Variants in OCA2 observed in about 807,000 individuals in gnomAD.
OCA2 encodes OCA2 melanosomal transmembrane protein.
Under a neutral mutation model 100.2 loss-of-function variants are expected in OCA2, and 77 were observed. That is an observed-to-expected ratio of 0.77 (90% CI 0.64 to 0.93). OCA2 has a LOEUF of 0.93. Among genes scored for constraint, OCA2 ranks in the 40% least tolerant of loss-of-function variants. The pLI, the probability that OCA2 is intolerant of heterozygous loss-of-function variation, is 0.00. For synonymous variants in OCA2, 432 were observed against 439.2 expected (o/e 0.98, Z 0.21); for missense variants, 1,062 against 1,089.1 (o/e 0.98, Z 0.35).
chr15:28,050,281 T>C (rs2043469373), intron 2 of OCA2, among the ~76,000 whole-genome samples: 1 of 151,804 alleles, frequency 6.6e-6, no homozygotes, highest in South Asian at 2.1e-4. Context: ...CAAGACCTTG[T>C]TTCACAGAAA....
chr15:27,738,213 G>A, the OCA2 span, among the ~76,000 whole-genome samples: 2 of 152,096 alleles, frequency 1.3e-5, no homozygotes, highest in Non-Finnish European at 2.9e-5. Flanking sequence ...GCACAAGAAT[G>A]TTCCTAGCAC....
intron 2 of OCA2, among the ~76,000 whole-genome samples, chr15:28,069,379 T>G (rs866688715): frequency 1.3e-4 from 1 of 7,650 alleles, no homozygotes; most frequent in Admixed American, 1.2e-3. Flanking sequence ...CCTCTCCCTC[T>G]CCCTCCCCCT....
chr15:28,012,260 A>C (rs761046037), intron 9 of OCA2, among the ~76,000 whole-genome samples: 15 of 152,162 alleles, frequency 9.9e-5, no homozygotes, highest in Non-Finnish European at 1.9e-4. Context: ...CAATAGAAAG[A>C]CCACACCCTG....
intron 23 of OCA2, among the ~76,000 whole-genome samples, chr15:27,762,766 T>C (rs2030945367): frequency 6.6e-6 from 1 of 152,222 alleles, no homozygotes; most frequent in Non-Finnish European, 1.5e-5. Context: ...GGCCTAAGTC[T>C]TAATGGACCT....
intron 2 of OCA2, among the ~76,000 whole-genome samples, chr15:28,055,900 C>T (rs1281733772): frequency 6.6e-6 from 1 of 152,192 alleles, no homozygotes; most frequent in Admixed American, 6.5e-5. Flanking sequence ...CCGGAGGAGA[C>T]AGCAAGTGGT....
At chr15:27,972,700 A>T (rs949450740) in intron 14 of OCA2, among the ~76,000 whole-genome samples, 1 of 146,392 alleles carries the variant, frequency 6.8e-6, no homozygotes, top group Non-Finnish European at 1.5e-5. Flanking sequence ...TATTGGGATT[A>T]TTTTTTTTTT....
At chr15:27,801,321 AGGTG>A (rs2033594986) in intron 23 of OCA2, among the ~76,000 whole-genome samples, 1 of 152,200 alleles carries the variant, frequency 6.6e-6, no homozygotes, top group South Asian at 2.1e-4. Context: ...TGGGAGGCCA[AGGTG>A]GGCAGATCAC....
intron 2 of OCA2, among the ~76,000 whole-genome samples, chr15:28,054,602 T>C (rs142441486): frequency 1.6e-3 from 250 of 152,304 alleles, no homozygotes; most frequent in African/African-American, 5.7e-3. Flanking sequence ...GATACCCCTC[T>C]CCCAAAATTA....
At chr15:27,887,596 A>G (rs1055490233) in intron 19 of OCA2, among the ~76,000 whole-genome samples, 3 of 143,450 alleles carry the variant, frequency 2.1e-5, no homozygotes, top group African/African-American at 7.7e-5. Context: ...CTACTGGGAG[A>G]CCTGTAAGTC....
chr15:28,070,698 A>G (rs2044230497), intron 2 of OCA2, among the ~76,000 whole-genome samples: 1 of 149,518 alleles, frequency 6.7e-6, no homozygotes, highest in East Asian at 2.0e-4. Context: ...CAGGATGACA[A>G]TGGCGGCTTT....
chr15:27,901,998 G>C (rs891314919), intron 19 of OCA2, among the ~76,000 whole-genome samples: 2 of 152,208 alleles, frequency 1.3e-5, no homozygotes, highest in Admixed American at 6.5e-5. Context: ...CGGAGGGGGA[G>C]AGCACTCAAC....
chr15:27,731,877 C>G, the OCA2 span, among the ~76,000 whole-genome samples: 1 of 152,228 alleles, frequency 6.6e-6, no homozygotes, highest in Non-Finnish European at 1.5e-5. Context: ...TTCCTATATT[C>G]ATTCATATAT....
intron 21 of OCA2, among the ~76,000 whole-genome samples, chr15:27,860,062 C>T (rs2036075367): frequency 6.6e-6 from 1 of 152,080 alleles, no homozygotes; most frequent in South Asian, 2.1e-4. Flanking sequence ...CATTGAACAA[C>T]TAAGCAGCTC....
In OCA2 at chr15:27,990,645, G is replaced by A. The variant is rs767182132; in HGVS notation, c.1047C>T (p.Ile349=). The A allele has an allele frequency of 5.6e-5, 91 of 1,613,608 alleles. No individual in the cohort carries two copies. Among genetic ancestry groups the A allele is most frequent in the Middle Eastern group, 3.3e-4 (2 of 6,082 alleles). ...GCATGGCCGCCAGAGTTCTGTGCAC[G>A]ATCTGGAAAGAAGCACAGGAAATTA... The part of the protein sequence containing the change: ...AGVYALIIFE[I]VHRTLAAMLG... Residue 349 remains isoleucine, a splice_region_variant and synonymous_variant, in exon 10 of 24, where the codon ATC becomes ATT. Transcript: ENST00000354638.
At chr15:27,796,185 G>C (rs987877750) in intron 23 of OCA2, among the ~76,000 whole-genome samples, 3 of 152,238 alleles carry the variant, frequency 2.0e-5, no homozygotes, top group Non-Finnish European at 4.4e-5. Flanking sequence ...TGTTTTATTT[G>C]TTGGAACAAC....
intron 23 of OCA2, among the ~76,000 whole-genome samples, chr15:27,796,725 C>T (rs994350960): frequency 6.6e-6 from 1 of 152,240 alleles, no homozygotes; most frequent in Non-Finnish European, 1.5e-5. Context: ...CCGGGCATTT[C>T]CTGGCCCCAG....
At position 27,926,284 on chromosome 15, in the gene OCA2, T is replaced by C. The variant is rs762263732; in HGVS notation, c.1952-30A>G. The C allele has an allele frequency of 7.3e-5, 118 of 1,613,068 alleles. No homozygotes were observed. In the Admixed American group the frequency reaches 1.8e-3, roughly 24 times the overall value. On this transcript the variant is annotated intron_variant, in intron 18 of 23. Coordinates refer to ENST00000354638, the MANE Select transcript of OCA2 (RefSeq NM_000275.3). ...AAATAAGTAAATAGACATAGAGATA[T>C]AGTTCCACTGTTAACACACCGATTC...
At chr15:27,842,929 A>G (rs185734294) in intron 23 of OCA2, among the ~76,000 whole-genome samples, 1 of 152,234 alleles carries the variant, frequency 6.6e-6, no homozygotes, top group Non-Finnish European at 1.5e-5. Flanking sequence ...GCTGAACCTC[A>G]GGCACTTTAC....
chr15:27,851,939 C>T (rs12440423), intron 21 of OCA2, among the ~76,000 whole-genome samples: 12,195 of 152,168 alleles, frequency 0.08, 1,258 homozygotes, highest in East Asian at 0.52. Context: ...GCAATCCAGC[C>T]GGAACTCACA....
Sources: allele counts gnomAD v4.1 joint callset (sites outside exome capture counted in the v4.1 genomes callset), GRCh38; gene constraint gnomAD v4.1.1; transcripts MANE v1.5; gene names NCBI Gene and HGNC (gene_info 2026-07-23, HGNC 2026-07-21).